The following GRM7 variants were observed in gnomAD, a reference collection of about 807,000 sequenced individuals.
GRM7 encodes metabotropic glutamate receptor 7.
Under a neutral mutation model 84.5 loss-of-function variants are expected in GRM7, and 35 were observed. The observed-to-expected ratio is 0.41, with a 90% confidence interval of 0.32 to 0.55. GRM7 has a LOEUF of 0.55. Ranked by LOEUF, GRM7 falls within the 20% of genes least tolerant of loss-of-function variation. The pLI is 0.19. For synonymous variants in GRM7, 487 were observed against 455.1 expected, an observed-to-expected ratio of 1.07 and a Z score of -0.89; for missense variants, 1,003 against 1,194.6, an observed-to-expected ratio of 0.84 and a Z score of 2.36.
At chr3:7,217,870 T>C (rs1473767629) in intron 2 of GRM7, among the ~76,000 whole-genome samples, 2 of 92,046 alleles carry the variant, frequency 2.2e-5, no homozygotes, top group Non-Finnish European at 4.7e-5. Flanking sequence ...AAATAAAATC[T>C]ACATTTTATA....
intron 8 of GRM7, among the ~76,000 whole-genome samples, chr3:7,595,365 C>T (rs1695987128): frequency 6.6e-6 from 1 of 152,128 alleles, no homozygotes; most frequent in Non-Finnish European, 1.5e-5. Context: ...TAGAAGCAAA[C>T]ATAATTGGTT....
At chr3:7,254,149 G>A (rs1005232281) in intron 2 of GRM7, among the ~76,000 whole-genome samples, 2 of 152,156 alleles carry the variant, frequency 1.3e-5, no homozygotes, top group African/African-American at 4.8e-5. Context: ...GTCAGAAGCA[G>A]GGCAAGTTTC....
At chr3:7,591,546 GA>G (rs1172604801) in intron 8 of GRM7, 57 of 412,546 alleles carry the variant, frequency 1.4e-4, no homozygotes, top group African/African-American at 1.1e-3. Flanking sequence ...GGAAAGGGGA[GA>G]AATTAGAAAC....
At chr3:7,044,576 G>A (rs1011304841) in intron 1 of GRM7, among the ~76,000 whole-genome samples, 2 of 152,116 alleles carry the variant, frequency 1.3e-5, no homozygotes, top group Non-Finnish European at 2.9e-5. Context: ...CCGCAGTGAC[G>A]TTTTATTAGT....
At chr3:7,721,774 C>T (rs772010257) in intron 9 of GRM7, among the ~76,000 whole-genome samples, 1 of 152,168 alleles carries the variant, frequency 6.6e-6, no homozygotes, top group African/African-American at 2.4e-5. Flanking sequence ...TGGTTGTATG[C>T]AAGACTAGCG....
At chr3:7,441,438 G>A (rs747391947) in intron 5 of GRM7, among the ~76,000 whole-genome samples, 10 of 151,984 alleles carry the variant, frequency 6.6e-5, no homozygotes, top group Non-Finnish European at 1.5e-4. Context: ...AATTTTTTGG[G>A]TTGTCTGTTT....
At chr3:7,412,492 C>T (rs551999354) in intron 4 of GRM7, among the ~76,000 whole-genome samples, 13 of 152,258 alleles carry the variant, frequency 8.5e-5, no homozygotes, top group African/African-American at 2.6e-4. Flanking sequence ...AATGAGACGC[C>T]TGGGATAATA....
chr3:7,515,211 CA>C (rs35576148), intron 7 of GRM7, among the ~76,000 whole-genome samples: 60,068 of 128,730 alleles, frequency 0.47, 13,184 homozygotes, highest in East Asian at 0.67. Context: ...TGTAGAAGGA[CA>C]AAAAAAAAAA....
At chr3:7,291,173 C>G (rs73809055) in intron 2 of GRM7, among the ~76,000 whole-genome samples, 3,886 of 151,546 alleles carry the variant, frequency 0.026, 157 homozygotes, top group African/African-American at 0.08. Flanking sequence ...TTTTCTCGTC[C>G]TTCTATACTG....
intron 1 of GRM7, among the ~76,000 whole-genome samples, chr3:7,143,231 A>G: frequency 6.6e-6 from 1 of 152,194 alleles, no homozygotes; most frequent in East Asian, 1.9e-4. Flanking sequence ...ATAACTATGT[A>G]GGCTTTAACA....
chr3:7,637,696 G>A (rs188886239), intron 8 of GRM7, among the ~76,000 whole-genome samples: 143 of 152,300 alleles, frequency 9.4e-4, no homozygotes, highest in Non-Finnish European at 1.8e-3. Context: ...ACCACTGGCC[G>A]TAGTGACAGG....
chr3:7,137,177 T>C (rs1020668218), intron 1 of GRM7, among the ~76,000 whole-genome samples: 1 of 152,186 alleles, frequency 6.6e-6, no homozygotes, highest in African/African-American at 2.4e-5. Flanking sequence ...GTATATGATA[T>C]GTTATTTATG....
chr3:7,273,375 C>T (rs758831514), intron 2 of GRM7, among the ~76,000 whole-genome samples: 3 of 152,124 alleles, frequency 2.0e-5, no homozygotes, highest in Non-Finnish European at 4.4e-5. Context: ...ATGTAGTTGA[C>T]TGTTGGCATT....
At chr3:6,944,796 C>G (rs1698004286) in intron 1 of GRM7, among the ~76,000 whole-genome samples, 1 of 152,094 alleles carries the variant, frequency 6.6e-6, no homozygotes, top group Non-Finnish European at 1.5e-5. Context: ...GTAAATATAT[C>G]TGGACCTGGA....
chr3:7,675,674 A>G (rs1249086970), intron 8 of GRM7, among the ~76,000 whole-genome samples: 1 of 152,232 alleles, frequency 6.6e-6, no homozygotes, highest in Non-Finnish European at 1.5e-5. Context: ...CTATCTGACT[A>G]GACATGAATA....
At chr3:7,640,570 G>T in intron 8 of GRM7, among the ~76,000 whole-genome samples, 1 of 152,138 alleles carries the variant, frequency 6.6e-6, no homozygotes, top group East Asian at 1.9e-4. Context: ...TCTGAATGAT[G>T]CCAGTCAAGC....
intron 4 of GRM7, among the ~76,000 whole-genome samples, chr3:7,309,780 C>T (rs1029296921): frequency 6.6e-6 from 1 of 152,192 alleles, no homozygotes; most frequent in African/African-American, 2.4e-5. Flanking sequence ...GTGTCATTTC[C>T]CCCCTTTCGA....
At chr3:7,497,503 G>A (rs985502934) in intron 7 of GRM7, among the ~76,000 whole-genome samples, 3 of 152,026 alleles carry the variant, frequency 2.0e-5, no homozygotes, top group Non-Finnish European at 2.9e-5. Context: ...TGCGTGGCTC[G>A]ATTTATTTAT....
At chr3:6,958,460 C>G (rs1693157833) in intron 1 of GRM7, among the ~76,000 whole-genome samples, 1 of 152,004 alleles carries the variant, frequency 6.6e-6, no homozygotes, top group South Asian at 2.1e-4. Context: ...TCAGGCTTGT[C>G]TTTTGTAAAT....
Sources: gnomAD v4.1 joint callset for allele counts (sites outside exome capture counted in the v4.1 genomes callset) on GRCh38, gnomAD v4.1.1 for gene constraint, MANE v1.5 for transcripts, NCBI Gene and HGNC (gene_info 2026-07-23, HGNC 2026-07-21) for gene names.